The following CLCN3 variants were observed in gnomAD, a reference collection of about 807,000 sequenced individuals.
CLCN3 encodes the protein Cl-/H+ antiporter 3.
In CLCN3, 16 loss-of-function variants were observed where a neutral mutation model predicts 83.4. The observed-to-expected ratio is 0.19, with a 90% confidence interval of 0.13 to 0.29. The LOEUF (loss-of-function observed/expected upper bound fraction) is 0.29, where lower values mean the gene tolerates loss of function less well. CLCN3 is among the 10% of genes least tolerant of loss of function. The pLI is 1.00. For synonymous variants in CLCN3, 322 were observed against 346.2 expected, an observed-to-expected ratio of 0.93 and a Z score of 0.78; for missense variants, 544 against 1,006.0, an observed-to-expected ratio of 0.54 and a Z score of 6.21.
chr4:169,682,368 A>G (rs73864752), intron 3 of CLCN3, among the ~76,000 whole-genome samples: 2,106 of 152,302 alleles, frequency 0.014, 43 homozygotes, highest in African/African-American at 0.047. Context: ...CTCAAATTCT[A>G]TCATTGGAAA....
intron 1 of CLCN3, among the ~76,000 whole-genome samples, chr4:169,626,122 C>G (rs1773227723): frequency 6.6e-6 from 1 of 152,304 alleles, no homozygotes; most frequent in African/African-American, 2.4e-5. Context: ...ATCCCATGAC[C>G]CCCCCACTCC....
intron 2 of CLCN3, among the ~76,000 whole-genome samples, chr4:169,645,802 T>G (rs1730555982): frequency 6.6e-6 from 1 of 152,204 alleles, no homozygotes; most frequent in African/African-American, 2.4e-5. Flanking sequence ...AGCCTTACCT[T>G]ACTACTCAGT....
chr4:169,692,545 G>A (rs760970140), intron 7 of CLCN3, among the ~76,000 whole-genome samples: 38 of 152,254 alleles, frequency 2.5e-4, no homozygotes, highest in Non-Finnish European at 4.6e-4. Flanking sequence ...TAGACAGCTG[G>A]TGTCCATTGG....
At chr4:169,656,523 G>T (rs997063633) in intron 2 of CLCN3, among the ~76,000 whole-genome samples, 1 of 151,986 alleles carries the variant, frequency 6.6e-6, no homozygotes, top group Non-Finnish European at 1.5e-5. Flanking sequence ...CCAACATTGG[G>T]GATTACAATG....
At chr4:169,660,553 T>G (rs933350603) in intron 2 of CLCN3, 44 of 653,518 alleles carry the variant, frequency 6.7e-5, no homozygotes, top group Admixed American at 8.9e-5. Flanking sequence ...AATACTGCAG[T>G]ACGTTGTTTA....
intron 3 of CLCN3, among the ~76,000 whole-genome samples, chr4:169,684,367 A>G (rs1293429563): frequency 3.9e-5 from 6 of 152,188 alleles, no homozygotes; most frequent in African/African-American, 1.4e-4. Context: ...AAGTTGACCA[A>G]TGAGATTTTT....
intron 11 of CLCN3, among the ~76,000 whole-genome samples, chr4:169,710,208 T>G (rs995353392): frequency 2.1e-4 from 32 of 152,182 alleles, no homozygotes; most frequent in African/African-American, 2.9e-4. Flanking sequence ...TTTGTGTGTG[T>G]GGGGAGAATA....
rs1444013470 is a variant in CLCN3, at chr4:169,721,404, T to A, written c.*1407T>A. The A allele has an allele frequency of 6.6e-6, 1 of 152,224 alleles. No homozygotes were observed. The highest frequency in any genetic ancestry group is 1.5e-5 in the Non-Finnish European group (1 of 68,038). The allele number at this position is 152,224 out of a possible 1,614,324, so 9.4% of individuals were successfully genotyped here. A position where few individuals can be genotyped will look rare whatever the true frequency, so the allele number is the denominator to read the frequency against. On this transcript the variant is annotated 3_prime_UTR_variant, in exon 13 of 13. Transcript: ENST00000513761. ...TCTCTGATCTTTCACTGCCATCCTC[T>A]GGATTATGTCTTCTGACCTGTCCAT...
chr4:169,688,132 A>C (rs1732231800), intron 4 of CLCN3, among the ~76,000 whole-genome samples: 1 of 152,218 alleles, frequency 6.6e-6, no homozygotes, highest in East Asian at 1.9e-4. Flanking sequence ...TTTAAACCTC[A>C]CCGGAATCCT....
At chr4:169,669,422 G>A (rs1251870163) in intron 2 of CLCN3, among the ~76,000 whole-genome samples, 2 of 152,108 alleles carry the variant, frequency 1.3e-5, no homozygotes, top group African/African-American at 4.8e-5. Flanking sequence ...GCCTAGGTTT[G>A]AGGCTACAGT....
chr4:169,637,919 G>A (rs1730275796), intron 2 of CLCN3, among the ~76,000 whole-genome samples: 1 of 151,946 alleles, frequency 6.6e-6, no homozygotes, highest in African/African-American at 2.4e-5. Context: ...TTGTAGATCT[G>A]TTTCTGGACT....
At chr4:169,678,828 A>G (rs2150236622) in intron 2 of CLCN3, among the ~76,000 whole-genome samples, 1 of 152,362 alleles carries the variant, frequency 6.6e-6, no homozygotes, top group Non-Finnish European at 1.5e-5. Context: ...TTCTACACAG[A>G]CACAGTAACA....
chr4:169,714,283 G>T (rs1355986134), intron 12 of CLCN3, among the ~76,000 whole-genome samples: 2 of 148,770 alleles, frequency 1.3e-5, no homozygotes, highest in South Asian at 2.1e-4. Flanking sequence ...GCAGTTTTTT[G>T]TTGTTTTTTT....
intron 1 of CLCN3, among the ~76,000 whole-genome samples, chr4:169,631,751 C>G (rs1474245830): frequency 1.3e-5 from 2 of 152,102 alleles, no homozygotes; most frequent in Non-Finnish European, 2.9e-5. Context: ...ACATTACAAC[C>G]AATCCCATGG....
intron 6 of CLCN3, among the ~76,000 whole-genome samples, chr4:169,691,052 G>A (rs1280784468): frequency 2.0e-5 from 3 of 152,014 alleles, no homozygotes; most frequent in African/African-American, 7.3e-5. Context: ...AGACTGGAGT[G>A]CAGTGGCGCA....
chr4:169,700,605 T>C (rs1732748404), intron 9 of CLCN3, among the ~76,000 whole-genome samples: 2 of 152,276 alleles, frequency 1.3e-5, no homozygotes, highest in African/African-American at 4.8e-5. Flanking sequence ...GTGCTTCTTA[T>C]CCCTGTTTAT....
chr4:169,637,679 A>G (rs552998109), intron 2 of CLCN3, among the ~76,000 whole-genome samples: 2 of 152,162 alleles, frequency 1.3e-5, no homozygotes, highest in East Asian at 1.9e-4. Flanking sequence ...CCATACCTCA[A>G]GGTCACAAAG....
intron 11 of CLCN3, among the ~76,000 whole-genome samples, chr4:169,711,463 A>C (rs1477355920): frequency 6.6e-6 from 1 of 152,150 alleles, no homozygotes; most frequent in African/African-American, 2.4e-5. Context: ...TCCTGGGTTC[A>C]AGCGATTCTC....
At chr4:169,644,274 T>A (rs1730507768) in intron 2 of CLCN3, among the ~76,000 whole-genome samples, 1 of 151,598 alleles carries the variant, frequency 6.6e-6, no homozygotes, top group Admixed American at 6.6e-5. Context: ...TTTTTCTTTT[T>A]TTTTTTTTTG....
Sources: gnomAD v4.1 joint callset for allele counts (sites outside exome capture counted in the v4.1 genomes callset) on GRCh38, gnomAD v4.1.1 for gene constraint, MANE v1.5 for transcripts, NCBI Gene and HGNC (gene_info 2026-07-23, HGNC 2026-07-21) for gene names.